Variants in CLSTN2 observed in about 807,000 individuals in gnomAD.
The protein encoded by CLSTN2 is calsyntenin-2.
CLSTN2 carries 48 observed loss-of-function variants against 101.2 expected under a neutral mutation model. The ratio of observed to expected loss-of-function variants is 0.47; its 90% CI spans 0.38 to 0.60. The LOEUF (loss-of-function observed/expected upper bound fraction) is 0.60. CLSTN2 is among the 20% of genes least tolerant of loss of function. CLSTN2 has a pLI of 0.00. For missense variants in CLSTN2, 1,160 were observed against 1,238.2 expected (o/e 0.94, Z 0.95); for synonymous variants, 481 against 463.6 (o/e 1.04, Z -0.48).
intron 1 of CLSTN2, among the ~76,000 whole-genome samples, chr3:140,056,864 A>G (rs1488368387): frequency 2.6e-5 from 4 of 152,220 alleles, no homozygotes; most frequent in South Asian, 2.1e-4. Context: ...CTTAAATGCT[A>G]TCATTTTATG....
intron 2 of CLSTN2, among the ~76,000 whole-genome samples, chr3:140,263,761 A>C (rs1453417839): frequency 1.3e-5 from 2 of 152,068 alleles, no homozygotes; most frequent in Admixed American, 6.6e-5. Context: ...TTATTAAAAC[A>C]AAAAAATATT....
chr3:140,306,534 C>T (rs1320983404), intron 2 of CLSTN2, among the ~76,000 whole-genome samples: 2 of 152,190 alleles, frequency 1.3e-5, no homozygotes, highest in South Asian at 2.1e-4. Flanking sequence ...GACTGATCTC[C>T]TGATCTGCAG....
chr3:139,989,457 T>C (rs915720781), intron 1 of CLSTN2, among the ~76,000 whole-genome samples: 19 of 152,162 alleles, frequency 1.2e-4, no homozygotes, highest in Admixed American at 2.6e-4. Context: ...CCACACGGCT[T>C]GTGCCTCTTA....
chr3:140,129,079 A>G (rs2009481872), intron 1 of CLSTN2, among the ~76,000 whole-genome samples: 1 of 152,132 alleles, frequency 6.6e-6, no homozygotes, highest in Non-Finnish European at 1.5e-5. Flanking sequence ...GCTCCTGGAA[A>G]CTGAGTGGCC....
Position 140,403,801 on chromosome 3 carries a change from G to C in CLSTN2, c.405G>C (p.Glu135Asp). The C allele has an allele frequency of 6.2e-7, 1 of 1,611,812 alleles. No individual in the cohort carries two copies. Among genetic ancestry groups the C allele is most frequent in the African/African-American group, 1.3e-5 (1 of 74,984 alleles). ...ATGACTGTGGTGCTGGGCCCCACGAGACAGCCTGGAAAAAGTCACACAAGT... is the reference window on the plus strand; with the variant it reads ...ATGACTGTGGTGCTGGGCCCCACGACACAGCCTGGAAAAAGTCACACAAGT... ...QAYDCGAGPH[E>D]TAWKKSHKAV... The change falls in exon 3 of 17, where the codon GAG (glutamate) becomes GAC (aspartate). Residue 135 changes from glutamate to aspartate, a missense_variant. Coordinates refer to ENST00000458420, the MANE Select transcript of CLSTN2 (RefSeq NM_022131.3).
rs145303535 is a variant in CLSTN2 at position 140,307,999 on chromosome 3, T to G, written c.233-95630T>G. ...TTACAGGCACAACAGTCGGCCTCAA[T>G]AATGTAAAGTTGGCTCATGAATGTG... On this transcript the variant is annotated intron_variant, in intron 2 of 16. Coordinates refer to ENST00000458420, the MANE Select transcript of CLSTN2 (RefSeq NM_022131.3). Among the ~76,000 whole-genome samples the G allele has an allele frequency of 1.2e-4, 19 of 152,320 alleles. No homozygotes were observed. The East Asian group carries it at 3.7e-3, about 29-fold the overall frequency.
Position 140,567,628 on chromosome 3 carries a change from G to A in CLSTN2, c.*1375G>A, listed in dbSNP as rs966441265. On this transcript the variant is annotated 3_prime_UTR_variant, in exon 17 of 17. Transcript: ENST00000458420. ...GCAGGCAAGAATTAGGGCCTTGACA[G>A]AATTTCCACGAAGCTCTGAGAACAT... is the stretch of plus-strand genomic sequence containing the variant. 2.0e-5 allele frequency: 3 copies of A among 152,186 alleles called. No individual in the cohort carries two copies. The highest frequency in any genetic ancestry group is 7.2e-5 in the African/African-American group (3 of 41,438). 9.4% of individuals were successfully genotyped at this position (152,186 alleles called of 1,614,324 possible). A position where few individuals can be genotyped will look rare whatever the true frequency, so the allele number is the denominator to read the frequency against.
At chr3:140,345,698 G>C (rs915909967) in intron 2 of CLSTN2, among the ~76,000 whole-genome samples, 6 of 150,522 alleles carry the variant, frequency 4.0e-5, no homozygotes, top group African/African-American at 9.8e-5. Flanking sequence ...GTGTGTGGCT[G>C]CCACTCAGTT....
intron 2 of CLSTN2, among the ~76,000 whole-genome samples, chr3:140,318,639 G>A (rs1429974215): frequency 6.6e-6 from 1 of 152,184 alleles, no homozygotes; most frequent in Non-Finnish European, 1.5e-5. Flanking sequence ...ACAGACTTTG[G>A]CATAAATGTC....
intron 8 of CLSTN2, among the ~76,000 whole-genome samples, chr3:140,470,980 C>T (rs1391177867): frequency 6.6e-6 from 1 of 152,186 alleles, no homozygotes; most frequent in African/African-American, 2.4e-5. Context: ...AGCCCCTCTG[C>T]CCCGCACCGC....
At chr3:140,525,053 ACAATC>A (rs1935109130) in intron 8 of CLSTN2, among the ~76,000 whole-genome samples, 1 of 152,226 alleles carries the variant, frequency 6.6e-6, no homozygotes, top group African/African-American at 2.4e-5. Context: ...GAGAAAAAGA[ACAATC>A]CAACCTCAAA....
intron 2 of CLSTN2, among the ~76,000 whole-genome samples, chr3:140,343,326 CT>C (rs1019493495): frequency 1.3e-4 from 20 of 152,160 alleles, no homozygotes; most frequent in Admixed American, 3.3e-4. Flanking sequence ...CTCTGAGAAC[CT>C]TTTAATTCTC....
rs148234077 is a variant in CLSTN2 at position 140,339,147 on chromosome 3, T to C, written c.233-64482T>C. ...GTGGACAGTCCAGGTTTAAGAATGG[T>C]TCTCAGAACGTTGGTACCTTGTCTG... On this transcript the variant is annotated intron_variant, in intron 2 of 16. Coordinates refer to ENST00000458420, the MANE Select transcript of CLSTN2 (RefSeq NM_022131.3). Among the ~76,000 whole-genome samples the C allele has an allele frequency of 6.3e-3, 965 of 152,312 alleles. 5 individuals carry two copies. The highest frequency in any genetic ancestry group is 0.01 in the Non-Finnish European group (713 of 68,010).
At chr3:140,325,840 G>C (rs1447838264) in intron 2 of CLSTN2, among the ~76,000 whole-genome samples, 1 of 152,226 alleles carries the variant, frequency 6.6e-6, no homozygotes, top group Non-Finnish European at 1.5e-5. Context: ...AGACACAGCA[G>C]TAGGGTGGAC....
At chr3:140,123,363 G>C (rs1316561620) in intron 1 of CLSTN2, among the ~76,000 whole-genome samples, 1 of 152,080 alleles carries the variant, frequency 6.6e-6, no homozygotes, top group East Asian at 1.9e-4. Context: ...GTTTCAACAT[G>C]AATTTTGGAG....
chr3:140,171,840 TA>T (rs1248798302), intron 1 of CLSTN2, among the ~76,000 whole-genome samples: 3 of 86,698 alleles, frequency 3.5e-5, no homozygotes, highest in Non-Finnish European at 7.1e-5. Flanking sequence ...TAACAATATA[TA>T]ATATAATATA....
intron 5 of CLSTN2, among the ~76,000 whole-genome samples, chr3:140,434,801 G>A (rs1295175303): frequency 6.6e-6 from 1 of 152,184 alleles, no homozygotes; most frequent in Non-Finnish European, 1.5e-5. Flanking sequence ...GAAGGGTTTT[G>A]GAGAAAGGTA....
At chr3:140,463,235 C>G (rs1933604468) in intron 7 of CLSTN2, among the ~76,000 whole-genome samples, 1 of 152,206 alleles carries the variant, frequency 6.6e-6, no homozygotes, top group Non-Finnish European at 1.5e-5. Flanking sequence ...TCTTCTTCCC[C>G]TGGCATGCAG....
Position 140,425,630 on chromosome 3 carries a change from T to A in CLSTN2, c.787+4356T>A, listed in dbSNP as rs116007032. On this transcript the variant is annotated intron_variant, in intron 5 of 16. Transcript: ENST00000458420. ...CACCTAAGCATGAACTAAAAGTGTGTTTGCTAGCATCACTCACCAATGGGC... is the reference window on the plus strand; with the variant it reads ...CACCTAAGCATGAACTAAAAGTGTGATTGCTAGCATCACTCACCAATGGGC... Among the ~76,000 whole-genome samples the A allele has an allele frequency of 6.1e-3, 934 of 152,286 alleles. 7 individuals carry two copies. The highest frequency in any genetic ancestry group is 0.022 in the African/African-American group (904 of 41,538).
Sources: gnomAD v4.1 joint callset for allele counts (sites outside exome capture counted in the v4.1 genomes callset) on GRCh38, gnomAD v4.1.1 for gene constraint, MANE v1.5 for transcripts, NCBI Gene and HGNC (gene_info 2026-07-23, HGNC 2026-07-21) for gene names.